Variants in SRCIN1 observed in about 807,000 individuals in gnomAD.
SRCIN1 encodes the protein SRC kinase signaling inhibitor 1.
Under a neutral mutation model 116.2 loss-of-function variants are expected in SRCIN1, and 50 were observed. The ratio of observed to expected loss-of-function variants is 0.43; its 90% CI spans 0.34 to 0.54. The LOEUF (loss-of-function observed/expected upper bound fraction) is 0.54. SRCIN1 is among the 20% of genes least tolerant of loss of function. The probability of loss-of-function intolerance (pLI) is 0.02; values close to 1 mark genes in which losing one functional copy is unlikely to be tolerated. For missense variants in SRCIN1, 1,446 were observed against 1,672.0 expected, an observed-to-expected ratio of 0.86 and a Z score of 2.36; for synonymous variants, 736 against 750.0, an observed-to-expected ratio of 0.98 and a Z score of 0.30.
chr17:38,560,131 C>A, intron 8 of SRCIN1, 34 bp from the exon 9 acceptor site: 1 of 1,527,992 alleles, frequency 6.5e-7, no homozygotes, highest in Non-Finnish European at 8.8e-7. Flanking sequence ...TCAGGGGGTC[C>A]AGGCCAGCCC....
chr17:38,564,744 AGGGTGGGGGTGG>A (rs1001058425), intron 3 of SRCIN1, among the ~76,000 whole-genome samples: 5 of 13,974 alleles, frequency 3.6e-4, no homozygotes, highest in Admixed American at 9.8e-4. Context: ...TGGAGTTCAG[AGGGTGGGGGTGG>A]GGGTGGGGGC....
At chr17:38,565,911 G>C (rs1222674130) in intron 3 of SRCIN1, among the ~76,000 whole-genome samples, 4 of 152,174 alleles carry the variant, frequency 2.6e-5, no homozygotes, top group Non-Finnish European at 4.4e-5. Context: ...GCTTGTGCTT[G>C]TGACCGAGAG....
In SRCIN1 at chr17:38,604,815, A is replaced by G. The variant is rs551046835; in HGVS notation, c.22+869T>C. ...GGGGGCCACGGTGCGTCCCCTTCCC[A>G]GCCCCACCCTCCACCCCTCAGCCGC... On this transcript the variant is annotated intron_variant, in intron 1 of 18. Coordinates refer to ENST00000617146, the MANE Select transcript of SRCIN1 (RefSeq NM_025248.3). This position sits in a 1 kb window ranked among gnomAD's most constrained non-coding sequence, Gnocchi z 4.3. Among the ~76,000 whole-genome samples the G allele has an allele frequency of 3.3e-5, 5 of 149,444 alleles. No homozygotes were observed. In the East Asian group the frequency reaches 1.0e-3, roughly 30 times the overall value.
intron 15 of SRCIN1, among the ~76,000 whole-genome samples, chr17:38,550,440 GCCAAGATAGCGC>G (rs1231823079): frequency 3.9e-5 from 6 of 152,130 alleles, no homozygotes; most frequent in Non-Finnish European, 8.8e-5. Context: ...CTTGTAGTGA[GCCAAGATAGCGC>G]CACTGCACTC....
chr17:38,583,833 G>A (rs9904922), intron 1 of SRCIN1, among the ~76,000 whole-genome samples: 10,562 of 152,234 alleles, frequency 0.069, 836 homozygotes, highest in African/African-American at 0.19. Flanking sequence ...GATTACAGGC[G>A]TGAGCCACCG....
intron 2 of SRCIN1, chr17:38,574,769 G>C (rs1008369116): frequency 7.0e-5 from 28 of 399,198 alleles, no homozygotes; most frequent in Non-Finnish European, 1.2e-4. Context: ...AAGAGAAAAG[G>C]TTGCAAAATA....
chr17:38,551,648 A>T, intron 14 of SRCIN1: 5 of 669,690 alleles, frequency 7.5e-6, no homozygotes, highest in Non-Finnish European at 1.3e-5. Flanking sequence ...CACTGACTAC[A>T]TAGTCTATTC....
chr17:38,584,484 A>C (rs1429264825), intron 1 of SRCIN1, among the ~76,000 whole-genome samples: 1 of 152,210 alleles, frequency 6.6e-6, no homozygotes, highest in Admixed American at 6.5e-5. Context: ...GGAAACGCGG[A>C]AGGTGAAAGT....
chr17:38,562,269 T>C lies in SRCIN1; in HGVS notation c.894A>G (p.Ser298=), dbSNP rs1906321852. Residue 298 remains serine (S), a synonymous_variant, in exon 7 of 19, where the codon TCA becomes TCG. Coordinates refer to ENST00000617146, the MANE Select transcript of SRCIN1 (RefSeq NM_025248.3). The surrounding 1 kb of genome is among the most constrained non-coding windows in gnomAD (Gnocchi z 4.2). ...SSPTRRLNNL[S]PAPHLASGSP... ...AGCCGGATGCCAGGTGCGGCGCTGG[T>C]GACAGGTTGTTGAGGCGCCGCGTGG... 4 of 1,477,594 alleles carry C rather than the reference T, an allele frequency of 2.7e-6. No individual in the cohort carries two copies. The highest frequency in any genetic ancestry group is 3.6e-6 in the Non-Finnish European group (4 of 1,123,264). The allele number at this position is 1,477,594 out of a possible 1,614,324, so 91.5% of individuals were successfully genotyped here.
Position 38,563,489 on chromosome 17 carries a change from G to C in SRCIN1, c.574C>G (p.Arg192Gly). The change falls in exon 5 of 19, where the codon CGG becomes GGG. Residue 192 changes from arginine to glycine, a missense_variant. Physicochemically the swap from Arg to Gly is moderately radical, Grantham distance 125. Coordinates refer to ENST00000617146, the MANE Select transcript of SRCIN1 (RefSeq NM_025248.3). The surrounding 1 kb of genome is among the most constrained non-coding windows in gnomAD (Gnocchi z 5.8). Reference protein sequence around the residue: ...VLFLQFGEETRRVHITHEVSS... With the variant: ...VLFLQFGEETGRVHITHEVSS... ...ACCTCGTGCGTGATGTGCACGCGCC[G>C]AGTCTCCTCCCCGAACTGCAGGAAC... 1 of 1,553,470 alleles carries C rather than the reference G, an allele frequency of 6.4e-7. No homozygotes were observed. Among genetic ancestry groups the C allele is most frequent in the Non-Finnish European group, 8.7e-7 (1 of 1,148,308 alleles).
rs764742462 is a variant in SRCIN1 at position 38,568,731 on chromosome 17, C to T, written c.325-500G>A. On this transcript the variant is annotated intron_variant, in intron 2 of 18. Coordinates refer to ENST00000617146, the MANE Select transcript of SRCIN1 (RefSeq NM_025248.3). The surrounding 1 kb of genome is among the most constrained non-coding windows in gnomAD (Gnocchi z 4.5). ...AGTCACTAGTCCACATTGGCTGGGG[C>T]GCAGCTGGGAAAGTAGCAGATTAGG... is the stretch of plus-strand genomic sequence containing the variant. 6.6e-6 allele frequency among the ~76,000 whole-genome samples: 1 copy of T among 151,876 alleles called. No homozygotes were observed. Among genetic ancestry groups the T allele is most frequent in the South Asian group, 2.1e-4 (1 of 4,808 alleles).
In SRCIN1 at chr17:38,562,239, C is replaced by G; in HGVS notation, c.924G>C (p.Pro308=). Reference sequence around the variant, plus strand: ...GCAGCCCCGACGGCAGCCCGGGCGGCGGCGAGCCGGATGCCAGGTGCGGCG... The same window carrying G: ...GCAGCCCCGACGGCAGCCCGGGCGGGGGCGAGCCGGATGCCAGGTGCGGCG... ...SPAPHLASGS[P]PPGLPSGLPS... is the part of the protein sequence containing the mutation. Residue 308 remains proline, a synonymous_variant, in exon 7 of 19, where the codon CCG becomes CCC. Coordinates refer to ENST00000617146, the MANE Select transcript of SRCIN1 (RefSeq NM_025248.3). This position sits in a 1 kb window ranked among gnomAD's most constrained non-coding sequence, Gnocchi z 4.2. 6.9e-7 allele frequency: 1 copy of G among 1,456,078 alleles called. No individual in the cohort carries two copies. Among genetic ancestry groups the G allele is most frequent in the South Asian group, 1.4e-5 (1 of 74,062 alleles). The allele number at this position is 1,456,078 out of a possible 1,614,324, so 90.2% of individuals were successfully genotyped here.
At position 38,568,135 on chromosome 17, in the gene SRCIN1, T is replaced by C; in HGVS notation, c.345+76A>G. ...CAGATGCGCACCCCGGTGCAAAGCC[T>C]GTGCAAGGGAGAGGCAGGGGCAGGG... is the stretch of plus-strand genomic sequence containing the variant. On this transcript the variant is annotated intron_variant, in intron 3 of 18. Transcript: ENST00000617146. This position sits in a 1 kb window ranked among gnomAD's most constrained non-coding sequence, Gnocchi z 4.5. The C allele has an allele frequency of 6.4e-7, 1 of 1,568,236 alleles. No individual in the cohort carries two copies. The highest frequency in any genetic ancestry group is 8.7e-7 in the Non-Finnish European group (1 of 1,143,310).
Position 38,551,337 on chromosome 17 carries a change from G to T in SRCIN1, c.2780C>A (p.Ala927Asp), listed in dbSNP as rs375856668. ...TTCCAGCAGCCGGTTGATGTCCTTG[G>T]CACTGTACTGGGTCAGGGCTGCCCG... The part of the protein sequence containing the change: ...EKRAALTQYS[A>D]KDINRLLEET... Residue 927 changes from alanine (A) to aspartate (D), a missense_variant, in exon 15 of 19, where the codon GCC becomes GAC. Transcript: ENST00000617146. 6.2e-7 allele frequency: 1 copy of T among 1,613,806 alleles called. No homozygotes were observed.
rs4795294 is a variant in SRCIN1, at chr17:38,604,113, A to C, written c.22+1571T>G. Among the ~76,000 whole-genome samples the C allele has an allele frequency of 0.38, 57,624 of 151,990 alleles. 11,210 individuals are homozygous for C. The highest frequency in any genetic ancestry group is 0.62 in the East Asian group (3,183 of 5,162). Reference sequence around the variant, plus strand: ...GATGGGAATAAGAGAAACTGAGGCAAGGAATTAGACAGCAAAGCAGTTGGC... The same window carrying C: ...GATGGGAATAAGAGAAACTGAGGCACGGAATTAGACAGCAAAGCAGTTGGC... On this transcript the variant is annotated intron_variant, in intron 1 of 18. Coordinates refer to ENST00000617146, the MANE Select transcript of SRCIN1 (RefSeq NM_025248.3). The surrounding 1 kb of genome is among the most constrained non-coding windows in gnomAD (Gnocchi z 4.3).
chr17:38,543,679 T>TG, intron 18 of SRCIN1, 144 bp downstream of exon 18: 1 of 1,192,272 alleles, frequency 8.4e-7, no homozygotes. Context: ...AGGGGGTGGG[T>TG]GGGGCAGTCC....
chr17:38,563,568 C>T lies in SRCIN1; in HGVS notation c.542-47G>A. On this transcript the variant is annotated intron_variant, in intron 4 of 18. Transcript: ENST00000617146. The surrounding 1 kb of genome is among the most constrained non-coding windows in gnomAD (Gnocchi z 5.8). ...CGCTGTCACTGCTGCCGTCTCCACG[C>T]CGCCCTCCAGGAGAGCGCGGGGAGC... The T allele has an allele frequency of 6.5e-7, 1 of 1,538,842 alleles. No homozygotes were observed. The highest frequency in any genetic ancestry group is 8.7e-7 in the Non-Finnish European group (1 of 1,146,084).
chr17:38,561,940 A>G lies in SRCIN1; in HGVS notation c.1223T>C (p.Leu408Pro). 3 of 1,463,080 alleles carry G rather than the reference A, an allele frequency of 2.1e-6. No homozygotes were observed. Among genetic ancestry groups the G allele is most frequent in the Non-Finnish European group, 2.7e-6 (3 of 1,120,478 alleles). 90.6% of individuals were successfully genotyped at this position (1,463,080 alleles called of 1,614,324 possible). Residue 408 changes from leucine to proline, a missense_variant, in exon 7 of 19, where the codon CTG (leucine) becomes CCG (proline). Leu to Pro is a moderately conservative substitution (Grantham distance 98, BLOSUM62 -3). This residue lies in a region of SRCIN1 where 239 missense variants were observed against 317.7 expected (regional missense o/e 0.75). Coordinates refer to ENST00000617146, the MANE Select transcript of SRCIN1 (RefSeq NM_025248.3). ...GTCGCCGGCGGCCGCGGCCAGGCTC[A>G]GACGGCCCTCGTGCAGCAGCCCGTA... is the stretch of plus-strand genomic sequence containing the variant. ...DPYGLLHEGR[L>P]SLAAAAGDPF...
At chr17:38,571,160 C>T (rs762518082) in intron 2 of SRCIN1, among the ~76,000 whole-genome samples, 1 of 152,150 alleles carries the variant, frequency 6.6e-6, no homozygotes, top group East Asian at 1.9e-4. Flanking sequence ...ATGGGACAGA[C>T]TAGCGTGACT....
Sources: allele counts gnomAD v4.1 joint callset (sites outside exome capture counted in the v4.1 genomes callset), GRCh38; gene constraint gnomAD v4.1.1; regional missense constraint gnomAD v4.1.1; non-coding constraint Gnocchi (gnomAD v3.1); transcripts MANE v1.5; gene names NCBI Gene and HGNC (gene_info 2026-07-23, HGNC 2026-07-21).